FBLIM1: variants seen among roughly 807,000 people sequenced by gnomAD.
FBLIM1 encodes filamin binding LIM protein 1.
A neutral mutation model predicts 37.4 loss-of-function variants in FBLIM1; 29 were observed. The observed-to-expected ratio is 0.77, with a 90% confidence interval of 0.58 to 1.06. The LOEUF is 1.06. Among genes scored for constraint, FBLIM1 ranks in the 50% least tolerant of loss-of-function variants. FBLIM1 has a pLI of 0.00. For missense variants in FBLIM1, 449 were observed against 505.6 expected (o/e 0.89, Z 1.07); for synonymous variants, 193 against 199.0 (o/e 0.97, Z 0.25).
intron 1 of FBLIM1, among the ~76,000 whole-genome samples, chr1:15,761,649 G>A (rs552055529): frequency 3.4e-4 from 52 of 152,318 alleles, no homozygotes; most frequent in African/African-American, 1.2e-3. Flanking sequence ...TCCAAACCCA[G>A]AAGCAAAAGA....
chr1:15,763,089 A>G (rs938667449), intron 1 of FBLIM1, among the ~76,000 whole-genome samples: 1 of 149,768 alleles, frequency 6.7e-6, no homozygotes, highest in Non-Finnish European at 1.5e-5. Context: ...TTTTTTTTAG[A>G]CAGAGTTTCG....
In FBLIM1 at chr1:15,770,471, A is replaced by G. The variant is rs1227865924; in HGVS notation, c.604A>G (p.Arg202Gly). ...PRELAVEAMK[R>G]QYHAQCFTCR... ...AGAGCTGGCTGTGGAGGCCATGAAG[A>G]GGCAGTACCATGCCCAGTGCTTCAC... The change falls in exon 6 of 9, where the codon AGG (arginine) becomes GGG (glycine). Residue 202 changes from arginine (R) to glycine (G), a missense_variant. Transcript: ENST00000375766. The G allele has an allele frequency of 1.2e-6, 2 of 1,612,942 alleles. No homozygotes were observed. Among genetic ancestry groups the G allele is most frequent in the Admixed American group, 3.3e-5 (2 of 59,924 alleles).
chr1:15,770,700 G>A, intron 6 of FBLIM1, 122 bp downstream of exon 6: 1 of 1,185,524 alleles, frequency 8.4e-7, no homozygotes, highest in South Asian at 1.6e-5. Context: ...TCACAGATGA[G>A]GAAACTGAGG....
In FBLIM1 at chr1:15,765,221, C is replaced by T; in HGVS notation, c.238C>T (p.Leu80Phe). ...AATVPAAPMQLFNGGCPPPPP... is the reference protein window; with the variant it reads ...AATVPAAPMQFFNGGCPPPPP... ...CACAGTGCCGGCTGCACCTATGCAGCTCTTCAATGGAGGTAAGAGCTGAGG... is the reference window on the plus strand; with the variant it reads ...CACAGTGCCGGCTGCACCTATGCAGTTCTTCAATGGAGGTAAGAGCTGAGG... The change falls in exon 3 of 9, where the codon CTC (leucine) becomes TTC (phenylalanine). Residue 80 changes from leucine (L) to phenylalanine (F), a missense_variant. By Grantham distance (22) the Leu-to-Phe change is conservative. Coordinates refer to ENST00000375766, the MANE Select transcript of FBLIM1 (RefSeq NM_017556.4). This position sits in a 1 kb window ranked among gnomAD's most constrained non-coding sequence, Gnocchi z 5.9. The T allele has an allele frequency of 6.2e-7, 1 of 1,612,282 alleles. No homozygotes were observed. Among genetic ancestry groups the T allele is most frequent in the South Asian group, 1.1e-5 (1 of 90,914 alleles).
chr1:15,779,878 T>A (rs1048301382), intron 8 of FBLIM1, among the ~76,000 whole-genome samples: 12 of 152,062 alleles, frequency 7.9e-5, no homozygotes, highest in African/African-American at 2.9e-4. Context: ...TCTTGATTTT[T>A]GTTTGTTTGT....
intron 1 of FBLIM1, among the ~76,000 whole-genome samples, chr1:15,762,143 C>A (rs2068700204): frequency 6.6e-6 from 1 of 151,190 alleles, no homozygotes; most frequent in Admixed American, 6.6e-5. Flanking sequence ...GGCTGGAGTG[C>A]AGTGGCACAA....
chr1:15,774,680 G>A lies in FBLIM1; in HGVS notation c.774G>A (p.Leu258=). The change falls in exon 7 of 9, where the codon CTG becomes CTA. Residue 258 remains leucine, a synonymous_variant. Coordinates refer to ENST00000375766, the MANE Select transcript of FBLIM1 (RefSeq NM_017556.4). ...TCCGGGACCACATCATCAGGGCCCT[G>A]GGCCAGGCCTTCCACCCCTCCTGCT... ...EVVRDHIIRA[L]GQAFHPSCFT... 4 of 1,614,196 alleles carry A rather than the reference G, an allele frequency of 2.5e-6. No homozygotes were observed.
Position 15,786,098 on chromosome 1 carries a change from T to G in FBLIM1, c.*1437T>G, listed in dbSNP as rs982994466. 2 of 152,276 alleles carry G rather than the reference T, an allele frequency of 1.3e-5. No homozygotes were observed. The highest frequency in any genetic ancestry group is 4.8e-5 in the African/African-American group (2 of 41,466). The allele number at this position is 152,276 out of a possible 1,614,324, so 9.4% of individuals were successfully genotyped here. A position where few individuals can be genotyped will look rare whatever the true frequency, so the allele number is the denominator to read the frequency against. ...CTCTGGTTATGACCTCAAGTCCTAC[T>G]TGGGCCCTGCAGCCCAGCCTGTGTT... On this transcript the variant is annotated 3_prime_UTR_variant, in exon 9 of 9. Coordinates refer to ENST00000375766, the MANE Select transcript of FBLIM1 (RefSeq NM_017556.4).
rs138158787 is a variant in FBLIM1, at chr1:15,777,183, G to A, written c.904G>A (p.Val302Ile). The A allele has an allele frequency of 5.4e-5, 86 of 1,606,440 alleles. No homozygotes were observed. The highest frequency in any genetic ancestry group is 3.7e-4 in the African/African-American group (28 of 74,926). Residue 302 changes from valine to isoleucine, a missense_variant, in exon 8 of 9, where the codon GTC becomes ATC. Coordinates refer to ENST00000375766, the MANE Select transcript of FBLIM1 (RefSeq NM_017556.4). ...CTTTGCTTCTAGGAAATTCGCCCCC[G>A]TCTGCAGCATCTGTGAAAATCCCAT... ...LDDFYRKFAP[V>I]CSICENPIIP... is the part of the protein sequence containing the mutation.
At chr1:15,773,084 C>T (rs1487751467) in intron 6 of FBLIM1, among the ~76,000 whole-genome samples, 4 of 152,042 alleles carry the variant, frequency 2.6e-5, no homozygotes, top group African/African-American at 7.2e-5. Context: ...CCTTGCCTGG[C>T]GCATTTCTTC....
chr1:15,784,607 C>A lies in FBLIM1; in HGVS notation c.1068C>A (p.Asn356Lys). The A allele has an allele frequency of 6.2e-7, 1 of 1,614,172 alleles. No homozygotes were observed. Among genetic ancestry groups the A allele is most frequent in the Non-Finnish European group, 8.5e-7 (1 of 1,180,010 alleles). ...ACCAAGGCTGCTACCCCCTGAACAA[C>A]CATCTCTTCTGCAAGCCATGCCATG... ...PTDQGCYPLN[N>K]HLFCKPCHVK... Residue 356 changes from asparagine (N) to lysine (K), a missense_variant, in exon 9 of 9, where the codon AAC (asparagine) becomes AAA (lysine). Transcript: ENST00000375766.
At chr1:15,780,999 C>A (rs1298076433) in intron 8 of FBLIM1, among the ~76,000 whole-genome samples, 1 of 152,096 alleles carries the variant, frequency 6.6e-6, no homozygotes, top group Non-Finnish European at 1.5e-5. Context: ...AATAAACCCC[C>A]CCGGTAGTCC....
chr1:15,778,955 G>C (rs2069566930), intron 8 of FBLIM1, among the ~76,000 whole-genome samples: 1 of 144,522 alleles, frequency 6.9e-6, no homozygotes, highest in Non-Finnish European at 1.5e-5. Context: ...TTTTATTTTT[G>C]AGACAGTCTC....
At chr1:15,769,660 CAG>C (rs2069105431) in intron 5 of FBLIM1, among the ~76,000 whole-genome samples, 2 of 151,664 alleles carry the variant, frequency 1.3e-5, no homozygotes, top group South Asian at 2.1e-4. Context: ...TTTTTTTAGA[CAG>C]AGTCTTGCTC....
chr1:15,757,075 G>A (rs2068458788), upstream of FBLIM1, among the ~76,000 whole-genome samples: 1 of 152,186 alleles, frequency 6.6e-6, no homozygotes, highest in Non-Finnish European at 1.5e-5. This position sits in a 1 kb window ranked among gnomAD's most constrained non-coding sequence, Gnocchi z 4.1. Context: ...CTCCTCCAAA[G>A]GGTGCTGCAA....
chr1:15,781,718 GT>G (rs71002929), intron 8 of FBLIM1, among the ~76,000 whole-genome samples: 104 of 111,408 alleles, frequency 9.3e-4, no homozygotes, highest in African/African-American at 2.0e-3. Context: ...AGGTAGTATT[GT>G]TTTTTTTTTT....
rs924724822 is a variant in FBLIM1, at chr1:15,765,776, G to T, written c.250+543G>T. Among the ~76,000 whole-genome samples the T allele has an allele frequency of 5.3e-5, 8 of 152,170 alleles. No homozygotes were observed. The highest frequency in any genetic ancestry group is 1.9e-4 in the African/African-American group (8 of 41,442). On this transcript the variant is annotated intron_variant, in intron 3 of 8. Coordinates refer to ENST00000375766, the MANE Select transcript of FBLIM1 (RefSeq NM_017556.4). This position sits in a 1 kb window ranked among gnomAD's most constrained non-coding sequence, Gnocchi z 5.9. ...TCCTCTCAGAGTCATCCTCGAGCGG[G>T]TCCAGGACCCCCTTTCTGCCCACCT...
chr1:15,763,606 G>A lies in FBLIM1; in HGVS notation c.-210-890G>A, dbSNP rs181295540. The stretch of plus-strand genomic sequence containing the variant: ...AGCCAAGATCGTGCCACTGCACTCC[G>A]GCCTGGGCAACAGAGCAAGATTCCG... On this transcript the variant is annotated intron_variant, in intron 1 of 8. Transcript: ENST00000375766. 7.2e-3 allele frequency among the ~76,000 whole-genome samples: 1,089 copies of A among 150,510 alleles called. 13 individuals are homozygous for A. The highest frequency in any genetic ancestry group is 0.025 in the African/African-American group (1,038 of 41,214).
chr1:15,770,560 C>T lies in FBLIM1; in HGVS notation c.693C>T (p.Leu231=), dbSNP rs1557696340. The T allele has an allele frequency of 4.3e-6, 7 of 1,613,934 alleles. No individual in the cohort carries two copies. Among genetic ancestry groups the T allele is most frequent in the South Asian group, 2.2e-5 (2 of 91,088 alleles). Residue 231 remains leucine, a synonymous_variant, in exon 6 of 9, where the codon CTC becomes CTT. Transcript: ENST00000375766. The part of the protein sequence containing the change: ...QSFYQKDGRP[L]CEPCYQDTLE... ...TCTACCAGAAGGATGGGCGACCCCT[C>T]TGCGAACCCTGCTACCAGGTAACCC...
Sources: allele counts gnomAD v4.1 joint callset (sites outside exome capture counted in the v4.1 genomes callset), GRCh38; gene constraint gnomAD v4.1.1; non-coding constraint Gnocchi (gnomAD v3.1); transcripts MANE v1.5; gene names NCBI Gene and HGNC (gene_info 2026-07-23, HGNC 2026-07-21).